The following NBAS variants were observed in gnomAD, a reference collection of about 807,000 sequenced individuals.
NBAS encodes the protein NAG/BC035112 fusion.
In NBAS, 219 loss-of-function variants were observed where a neutral mutation model predicts 302.5. That is an observed-to-expected ratio of 0.72 (90% CI 0.65 to 0.81). The LOEUF is 0.81. Among genes scored for constraint, NBAS ranks in the 30% least tolerant of loss-of-function variants. The probability of loss-of-function intolerance (pLI) is 0.00; values close to 1 mark genes in which losing one functional copy is unlikely to be tolerated. For synonymous variants in NBAS, 1,118 were observed against 1,021.6 expected, an observed-to-expected ratio of 1.09 and a Z score of -1.80; for missense variants, 2,932 against 2,841.6, an observed-to-expected ratio of 1.03 and a Z score of -0.72.
At chr2:15,070,841 A>C in the NBAS span, among the ~76,000 whole-genome samples, 1 of 42,932 alleles carries the variant, frequency 2.3e-5, no homozygotes, top group Non-Finnish European at 1.0e-4. Context: ...GTTTCTTTGG[A>C]AGAAGAAAGA....
the NBAS span, among the ~76,000 whole-genome samples, chr2:14,812,444 C>A: frequency 6.6e-6 from 1 of 152,188 alleles, no homozygotes; most frequent in African/African-American, 2.4e-5. Context: ...TTGTTTTCAT[C>A]TCTGCTAAAA....
At chr2:15,432,216 CTTAT>C (rs1677799309) in intron 21 of NBAS, among the ~76,000 whole-genome samples, 2 of 150,776 alleles carry the variant, frequency 1.3e-5, no homozygotes, top group South Asian at 2.1e-4. Flanking sequence ...TTTATTTCAT[CTTAT>C]TTGTCTATTT....
chr2:15,099,517 T>C, the NBAS span, among the ~76,000 whole-genome samples: 2 of 152,060 alleles, frequency 1.3e-5, no homozygotes, highest in Non-Finnish European at 2.9e-5. Context: ...AGATGGGATA[T>C]AGTCAATCCT....
the NBAS span, among the ~76,000 whole-genome samples, chr2:15,103,426 A>G: frequency 2.0e-5 from 3 of 152,186 alleles, no homozygotes. Flanking sequence ...TTAAAGTTAC[A>G]GAAGTTTAAA....
chr2:15,326,129 T>A (rs536160235), intron 38 of NBAS, among the ~76,000 whole-genome samples: 40 of 152,300 alleles, frequency 2.6e-4, no homozygotes, highest in African/African-American at 9.6e-4. Context: ...AGATCACTAA[T>A]CACAAATCAC....
the NBAS span, among the ~76,000 whole-genome samples, chr2:14,899,803 C>T: frequency 2.7e-4 from 41 of 151,470 alleles, no homozygotes; most frequent in Admixed American, 6.6e-4. Flanking sequence ...CCCTGGGAAA[C>T]GGGCCACCTG....
chr2:15,071,351 C>A, the NBAS span, among the ~76,000 whole-genome samples: 42 of 152,270 alleles, frequency 2.8e-4, no homozygotes, highest in Admixed American at 2.5e-3. Flanking sequence ...AGGGGCCGGG[C>A]GCGGTGGCTC....
chr2:15,087,968 A>G, the NBAS span, among the ~76,000 whole-genome samples: 1 of 152,254 alleles, frequency 6.6e-6, no homozygotes, highest in East Asian at 1.9e-4. Context: ...CGTTAAGAAC[A>G]GGCAGCATGG....
At chr2:15,501,970 T>C (rs565741832) in intron 11 of NBAS, among the ~76,000 whole-genome samples, 143 of 152,208 alleles carry the variant, frequency 9.4e-4, no homozygotes, top group African/African-American at 3.3e-3. Context: ...CTGCCAAACT[T>C]GAGTAGTAAA....
chr2:14,842,475 T>C, the NBAS span, among the ~76,000 whole-genome samples: 1 of 151,504 alleles, frequency 6.6e-6, no homozygotes, highest in African/African-American at 2.4e-5. Context: ...AATCAGAAAC[T>C]AAAAAGATGA....
chr2:14,799,820 C>A, the NBAS span, among the ~76,000 whole-genome samples: 3 of 152,128 alleles, frequency 2.0e-5, no homozygotes, highest in African/African-American at 7.2e-5. Context: ...AAATTATAGT[C>A]TATCTCCAGT....
chr2:15,547,304 A>T (rs1448596479), intron 6 of NBAS, among the ~76,000 whole-genome samples: 1 of 152,220 alleles, frequency 6.6e-6, no homozygotes, highest in African/African-American at 2.4e-5. Context: ...CACACACATG[A>T]AATATCATTT....
chr2:14,933,596 T>C, the NBAS span, among the ~76,000 whole-genome samples: 1 of 152,168 alleles, frequency 6.6e-6, no homozygotes, highest in Non-Finnish European at 1.5e-5. Context: ...CAAATGACCC[T>C]CTTTTTTAAA....
downstream of NBAS, among the ~76,000 whole-genome samples, chr2:15,166,128 T>C (rs1376861141): frequency 6.6e-6 from 1 of 152,206 alleles, no homozygotes; most frequent in Non-Finnish European, 1.5e-5. Context: ...CAGCAAGCTA[T>C]GCCCTGGGAC....
chr2:14,926,336 A>G, the NBAS span, among the ~76,000 whole-genome samples: 1 of 152,136 alleles, frequency 6.6e-6, no homozygotes, highest in Non-Finnish European at 1.5e-5. Context: ...GTACTTTGCA[A>G]GAGTTTTCAA....
At chr2:15,403,659 A>T (rs1048698491) in intron 25 of NBAS, among the ~76,000 whole-genome samples, 2 of 152,078 alleles carry the variant, frequency 1.3e-5, no homozygotes, top group Non-Finnish European at 2.9e-5. Context: ...TGGCGGCAGG[A>T]GGGCTTAAGA....
At chr2:14,874,790 C>T in the NBAS span, among the ~76,000 whole-genome samples, 10 of 149,994 alleles carry the variant, frequency 6.7e-5, no homozygotes, top group Non-Finnish European at 1.3e-4. Flanking sequence ...TAAATATTTT[C>T]AAAGAATAAT....
intron 28 of NBAS, among the ~76,000 whole-genome samples, 187 bp downstream of exon 28, chr2:15,394,040 A>G (rs1207852565): frequency 1.3e-5 from 2 of 152,146 alleles, no homozygotes; most frequent in Non-Finnish European, 2.9e-5. Flanking sequence ...TGTGTTTATT[A>G]TCTTAATCAT....
At chr2:15,397,250 G>T (rs1235699134) in intron 26 of NBAS, among the ~76,000 whole-genome samples, 1 of 152,186 alleles carries the variant, frequency 6.6e-6, no homozygotes, top group Non-Finnish European at 1.5e-5. Flanking sequence ...ACAACTCTGT[G>T]TCCCAAACAC....
Sources: allele counts gnomAD v4.1 joint callset (sites outside exome capture counted in the v4.1 genomes callset), GRCh38; gene constraint gnomAD v4.1.1; transcripts MANE v1.5; gene names NCBI Gene and HGNC (gene_info 2026-07-23, HGNC 2026-07-21).